AIMP2: variants seen among roughly 807,000 people sequenced by gnomAD.
AIMP2 encodes aminoacyl tRNA synthase complex-interacting multifunctional protein 2.
AIMP2 carries 20 observed loss-of-function variants against 23.4 expected under a neutral mutation model. The ratio of observed to expected loss-of-function variants is 0.85; its 90% CI spans 0.60 to 1.24. The LOEUF is 1.24. Among genes scored for constraint, AIMP2 ranks in the 50% most tolerant of loss-of-function variants. AIMP2 has a pLI of 0.00. For synonymous variants in AIMP2, 210 were observed against 170.4 expected (o/e 1.23, Z -1.81); for missense variants, 515 against 414.5 (o/e 1.24, Z -2.10).
intron 1 of AIMP2, among the ~76,000 whole-genome samples, chr7:6,013,635 G>A (rs976057902): frequency 1.3e-5 from 2 of 152,078 alleles, no homozygotes; most frequent in Non-Finnish European, 2.9e-5. Flanking sequence ...ATGGGTGCGA[G>A]GTGGAATAGG....
chr7:6,022,824 A>G (rs570724093), intron 3 of AIMP2: 1 of 156,174 alleles, frequency 6.4e-6, no homozygotes, highest in African/African-American at 2.4e-5. Context: ...TCATATGGCC[A>G]TATAAAGATA....
rs746270222 is a variant in AIMP2, at chr7:6,009,490, C to T, written c.127C>T (p.His43Tyr). 13 of 1,563,662 alleles carry T rather than the reference C, an allele frequency of 8.3e-6. No homozygotes were observed. In the Admixed American group the frequency reaches 1.6e-4, roughly 19 times the overall value. ...CTACGGCCCAGCGCCGGGCGCTGGC[C>T]ACGTGCAGGTAGGAGCGCGGGGCCC... ...RSYGPAPGAG[H>Y]VQEESNLSLQ... The change falls in exon 1 of 4, where the codon CAC (histidine) becomes TAC (tyrosine). Residue 43 changes from histidine (H) to tyrosine (Y), a missense_variant. Transcript: ENST00000223029.
chr7:6,012,680 C>T, intron 1 of AIMP2: 1 of 401,516 alleles, frequency 2.5e-6, no homozygotes, highest in Non-Finnish European at 4.8e-6. Context: ...CTGCCTTAGC[C>T]TCTCCAGTAG....
intron 3 of AIMP2, 75 bp downstream of exon 3, chr7:6,018,120 AT>A: frequency 9.0e-7 from 1 of 1,112,360 alleles, no homozygotes; most frequent in Non-Finnish European, 1.3e-6. Context: ...GCATGAGTCC[AT>A]TTACATGTGG....
chr7:6,010,854 T>C (rs1438537028), intron 1 of AIMP2, among the ~76,000 whole-genome samples: 1 of 151,132 alleles, frequency 6.6e-6, no homozygotes, highest in Non-Finnish European at 1.5e-5. Context: ...CATCTCTACA[T>C]AAAAGGTGGT....
chr7:6,018,024 T>G lies in AIMP2; in HGVS notation c.553T>G (p.Phe185Val), dbSNP rs1787136582. 5 of 1,613,812 alleles carry G rather than the reference T, an allele frequency of 3.1e-6. No individual in the cohort carries two copies. The East Asian group carries it at 8.9e-5, about 29-fold the overall frequency. The stretch of plus-strand genomic sequence containing the variant: ...GCCCCGCCAAGACTATCAGCTGGGA[T>G]TCACTTTAATTTGGAAGAATGGTAA... ...KQPRQDYQLG[F>V]TLIWKNVPKT... The change falls in exon 3 of 4, where the codon TTC becomes GTC. Residue 185 changes from phenylalanine (F) to valine (V), a missense_variant. Transcript: ENST00000223029.
At position 6,023,343 on chromosome 7, in the gene AIMP2, C is replaced by A. The variant is rs758577601; in HGVS notation, c.615C>A (p.Cys205Ter). ...TQMKFSIQTM[C>*]PIEGEGNIAR... Reference sequence around the variant, plus strand: ...TGAAATTCAGCATCCAGACGATGTGCCCCATCGAAGGCGAAGGGAACATTG... The same window carrying A: ...TGAAATTCAGCATCCAGACGATGTGACCCATCGAAGGCGAAGGGAACATTG... Residue 205 changes from cysteine (C) to a stop codon, truncating the protein, a stop_gained, in exon 4 of 4, where the codon TGC (cysteine) becomes TGA (stop). Coordinates refer to ENST00000223029, the MANE Select transcript of AIMP2 (RefSeq NM_006303.4). LOFTEE classifies it high-confidence loss of function. The A allele has an allele frequency of 1.4e-5, 22 of 1,609,976 alleles. No homozygotes were observed. Among genetic ancestry groups the A allele is most frequent in the Non-Finnish European group, 5.1e-6 (6 of 1,178,794 alleles).
intron 1 of AIMP2, among the ~76,000 whole-genome samples, chr7:6,010,450 T>C (rs754607206): frequency 1.0e-4 from 2 of 19,666 alleles, no homozygotes; most frequent in African/African-American, 2.4e-4. Flanking sequence ...GGTTTTTTGT[T>C]TTTTTTTTTG....
In AIMP2 at chr7:6,023,186, A is replaced by G. The variant is rs893113034; in HGVS notation, c.575-117A>G. ...TGAAAATGTGATGTTCTTCTTGAAA[A>G]CACCCTTTCCCATGTCATCAGTCTG... is the stretch of plus-strand genomic sequence containing the variant. On this transcript the variant is annotated intron_variant, in intron 3 of 3. Coordinates refer to ENST00000223029, the MANE Select transcript of AIMP2 (RefSeq NM_006303.4). The G allele has an allele frequency of 7.3e-6, 9 of 1,237,848 alleles. No individual in the cohort carries two copies. In the Admixed American group the frequency reaches 2.1e-4, roughly 29 times the overall value. The allele number at this position is 1,237,848 out of a possible 1,614,324, so 76.7% of individuals were successfully genotyped here.
intron 1 of AIMP2, among the ~76,000 whole-genome samples, chr7:6,011,085 C>G (rs774268570): frequency 1.3e-5 from 2 of 152,162 alleles, no homozygotes; most frequent in African/African-American, 2.4e-5. Flanking sequence ...ACTTATCCAT[C>G]CTGCTTGCTC....
intron 3 of AIMP2, among the ~76,000 whole-genome samples, chr7:6,021,383 G>A (rs1458764036): frequency 6.7e-6 from 1 of 149,458 alleles, no homozygotes; most frequent in Non-Finnish European, 1.5e-5. Context: ...AGAACATCTT[G>A]AAGAGTCTGG....
At chr7:6,017,690 A>G (rs1332245157) in intron 2 of AIMP2, 124 bp from the exon 3 acceptor site, 1 of 769,808 alleles carries the variant, frequency 1.3e-6, no homozygotes, top group Non-Finnish European at 2.1e-6. Flanking sequence ...AGATGACGCT[A>G]GTGCCGTCTT....
intron 1 of AIMP2, among the ~76,000 whole-genome samples, chr7:6,011,398 C>G (rs545691434): frequency 1.3e-5 from 2 of 152,170 alleles, no homozygotes; most frequent in African/African-American, 4.8e-5. Flanking sequence ...AACTTGAGGA[C>G]CTTTTCATAT....
At chr7:6,015,783 T>A (rs908923737) in intron 2 of AIMP2, among the ~76,000 whole-genome samples, 1 of 152,238 alleles carries the variant, frequency 6.6e-6, no homozygotes, top group Non-Finnish European at 1.5e-5. Context: ...CATGTTCATA[T>A]TTTTTTCTTC....
intron 1 of AIMP2, chr7:6,012,673 C>T (rs2128876743): frequency 2.6e-6 from 1 of 387,322 alleles, no homozygotes; most frequent in Non-Finnish European, 5.2e-6. Flanking sequence ...TTTTCTCCTG[C>T]CTTAGCCTCT....
At chr7:6,021,137 C>G (rs1226465696) in intron 3 of AIMP2, among the ~76,000 whole-genome samples, 1 of 152,170 alleles carries the variant, frequency 6.6e-6, no homozygotes. Context: ...CGTCTACTTG[C>G]CCCCAGGCTC....
rs1786951748 is a variant in AIMP2, at chr7:6,015,265, A to G, written c.255A>G (p.Ala85=). ...GLSKMIQTPD[A]DLDVTNIIQA... is the part of the protein sequence containing the mutation. ...CCAAGATGATTCAAACACCAGATGC[A>G]GACTTGGATGTAACCAACATAATCC... Residue 85 remains alanine, a synonymous_variant, in exon 2 of 4, where the codon GCA becomes GCG. Transcript: ENST00000223029. 6.2e-7 allele frequency: 1 copy of G among 1,614,246 alleles called. No homozygotes were observed. The highest frequency in any genetic ancestry group is 2.2e-5 in the East Asian group (1 of 44,888).
At chr7:6,016,644 C>G (rs913314217) in intron 2 of AIMP2, among the ~76,000 whole-genome samples, 5 of 152,078 alleles carry the variant, frequency 3.3e-5, no homozygotes, top group Non-Finnish European at 5.9e-5. Flanking sequence ...TATCTCAGAG[C>G]ATGTGGTGCT....
chr7:6,018,759 A>G (rs144579188), intron 3 of AIMP2, among the ~76,000 whole-genome samples: 3,806 of 151,896 alleles, frequency 0.025, 141 homozygotes, highest in African/African-American at 0.085. Context: ...ACTTGAACCC[A>G]GGAGGTGGAG....
Sources: gnomAD v4.1 joint callset for allele counts (sites outside exome capture counted in the v4.1 genomes callset) on GRCh38, gnomAD v4.1.1 for gene constraint, MANE v1.5 for transcripts, NCBI Gene and HGNC (gene_info 2026-07-23, HGNC 2026-07-21) for gene names.